The following ALCAM variants were observed in gnomAD, a reference collection of about 807,000 sequenced individuals.
The protein encoded by ALCAM is CD166 antigen.
In ALCAM, 30 loss-of-function variants were observed where a neutral mutation model predicts 70.9. The observed-to-expected ratio is 0.42, with a 90% confidence interval of 0.32 to 0.57. The LOEUF (loss-of-function observed/expected upper bound fraction) is 0.57. Among genes scored for constraint, ALCAM ranks in the 20% least tolerant of loss-of-function variants. ALCAM has a pLI of 0.11. For missense variants in ALCAM, 591 were observed against 695.1 expected (o/e 0.85, Z 1.68); for synonymous variants, 249 against 242.5 (o/e 1.03, Z -0.25).
chr3:105,395,706 A>G (rs1316759479), intron 1 of ALCAM, among the ~76,000 whole-genome samples: 1 of 152,070 alleles, frequency 6.6e-6, no homozygotes, highest in African/African-American at 2.4e-5. Flanking sequence ...TAACAGAGCT[A>G]TAGTAAGATA....
intron 1 of ALCAM, among the ~76,000 whole-genome samples, chr3:105,448,906 G>A (rs1011636192): frequency 5.3e-5 from 8 of 152,126 alleles, no homozygotes; most frequent in South Asian, 2.1e-4. Flanking sequence ...CAACAATGGG[G>A]GCAGGGCTTC....
chr3:105,371,088 T>C (rs1395102047), intron 1 of ALCAM, among the ~76,000 whole-genome samples: 4 of 152,164 alleles, frequency 2.6e-5, no homozygotes, highest in Non-Finnish European at 5.9e-5. Flanking sequence ...CCAAACCTTT[T>C]CTGACTTTGT....
chr3:105,459,692 T>C (rs1392672606), intron 1 of ALCAM, among the ~76,000 whole-genome samples: 1 of 152,134 alleles, frequency 6.6e-6, no homozygotes, highest in Admixed American at 6.6e-5. Flanking sequence ...CAATCCATAA[T>C]TACTGAATTG....
At chr3:105,473,886 G>GTT (rs201995893) in intron 1 of ALCAM, among the ~76,000 whole-genome samples, 9 of 145,256 alleles carry the variant, frequency 6.2e-5, no homozygotes, top group Admixed American at 2.8e-4. Context: ...GTTTTGTTTT[G>GTT]TTTTTTTTTT....
intron 11 of ALCAM, among the ~76,000 whole-genome samples, chr3:105,549,686 A>G (rs567038183): frequency 6.6e-6 from 1 of 151,570 alleles, no homozygotes; most frequent in South Asian, 2.1e-4. Flanking sequence ...AATTATACAT[A>G]CATACATACT....
chr3:105,403,222 C>T (rs1043921417), intron 1 of ALCAM, among the ~76,000 whole-genome samples: 1 of 152,154 alleles, frequency 6.6e-6, no homozygotes, highest in African/African-American at 2.4e-5. Flanking sequence ...GCCGGGATTA[C>T]AGGTGTGAAC....
intron 1 of ALCAM, among the ~76,000 whole-genome samples, chr3:105,460,973 T>G (rs1042887094): frequency 6.0e-5 from 9 of 150,884 alleles, no homozygotes; most frequent in Non-Finnish European, 8.9e-5. Context: ...GCTTCAGGAC[T>G]TTTTAGAGAT....
chr3:105,536,526 T>C (rs1047737559), intron 6 of ALCAM, among the ~76,000 whole-genome samples: 1 of 152,132 alleles, frequency 6.6e-6, no homozygotes, highest in Non-Finnish European at 1.5e-5. Context: ...AATAGAAATA[T>C]CTGTGAGTAT....
At chr3:105,400,899 T>C (rs1936071885) in intron 1 of ALCAM, among the ~76,000 whole-genome samples, 1 of 152,226 alleles carries the variant, frequency 6.6e-6, no homozygotes, top group African/African-American at 2.4e-5. Flanking sequence ...GGGAAGGTAA[T>C]ACCTGTTTTA....
intron 12 of ALCAM, among the ~76,000 whole-genome samples, chr3:105,550,474 T>C (rs1444089789): frequency 6.6e-6 from 1 of 151,526 alleles, no homozygotes; most frequent in Admixed American, 6.6e-5. Context: ...TCATGTTTTA[T>C]GGGTCAGAGG....
At chr3:105,522,356 T>C (rs1576218947) in intron 2 of ALCAM, among the ~76,000 whole-genome samples, 1 of 152,270 alleles carries the variant, frequency 6.6e-6, no homozygotes, top group African/African-American at 2.4e-5. Flanking sequence ...AGCAATAAAC[T>C]GAGATACATT....
chr3:105,373,181 C>A (rs1293682205), intron 1 of ALCAM, among the ~76,000 whole-genome samples: 1 of 152,006 alleles, frequency 6.6e-6, no homozygotes, highest in East Asian at 1.9e-4. Context: ...AGGATTTTCA[C>A]ACACCTGCTT....
chr3:105,367,074 A>G lies in ALCAM; in HGVS notation c.-335A>G. 4.3e-6 allele frequency: 1 copy of G among 233,100 alleles called. No homozygotes were observed. 14.4% of individuals were successfully genotyped at this position (233,100 alleles called of 1,614,324 possible). On this transcript the variant is annotated 5_prime_UTR_variant, in exon 1 of 16. In the 5' UTR this introduces an upstream ATG that the reference lacks. Transcript: ENST00000306107. ...ATTATCATTCCAATACAAGGAAAATAAAAGAAGATACCAGCGAAAAGAACC... is the reference window on the plus strand; with the variant it reads ...ATTATCATTCCAATACAAGGAAAATGAAAGAAGATACCAGCGAAAAGAACC...
At chr3:105,545,463 CTGTT>C in intron 9 of ALCAM, 128 bp downstream of exon 9, 1 of 581,010 alleles carries the variant, frequency 1.7e-6, no homozygotes, top group Non-Finnish European at 3.1e-6. Context: ...CTCTCTCTCT[CTGTT>C]TCTGATAAGA....
intron 1 of ALCAM, among the ~76,000 whole-genome samples, chr3:105,471,989 C>A (rs1040435308): frequency 1.3e-5 from 2 of 151,288 alleles, no homozygotes; most frequent in African/African-American, 4.8e-5. Flanking sequence ...ACCATTCTAC[C>A]GTCTATTTCT....
At chr3:105,542,143 G>A (rs1050338081) in intron 8 of ALCAM, among the ~76,000 whole-genome samples, 7 of 151,798 alleles carry the variant, frequency 4.6e-5, no homozygotes, top group African/African-American at 1.5e-4. Context: ...TATCATTTGT[G>A]TTACAGAATA....
chr3:105,470,072 TAC>T (rs1172595342), intron 1 of ALCAM, among the ~76,000 whole-genome samples: 3 of 148,214 alleles, frequency 2.0e-5, no homozygotes, highest in African/African-American at 7.4e-5. Flanking sequence ...TACCATACCA[TAC>T]ACACACATTT....
intron 1 of ALCAM, among the ~76,000 whole-genome samples, chr3:105,454,700 C>T (rs1026212509): frequency 1.1e-4 from 11 of 104,684 alleles, no homozygotes; most frequent in Non-Finnish European, 1.6e-4. Flanking sequence ...GATGGAGTCT[C>T]GCTCTGTCCC....
chr3:105,420,258 C>G (rs562824681), intron 1 of ALCAM, among the ~76,000 whole-genome samples: 1 of 151,406 alleles, frequency 6.6e-6, no homozygotes, highest in Admixed American at 6.6e-5. Context: ...GTCTTCTACA[C>G]CTTTATTAAA....
Sources: allele counts gnomAD v4.1 joint callset (sites outside exome capture counted in the v4.1 genomes callset), GRCh38; gene constraint gnomAD v4.1.1; transcripts MANE v1.5; gene names NCBI Gene and HGNC (gene_info 2026-07-23, HGNC 2026-07-21).